The following CWC15 variants were observed in gnomAD, a reference collection of about 807,000 sequenced individuals.
CWC15 encodes spliceosome-associated protein CWC15 homolog.
A neutral mutation model predicts 28.4 loss-of-function variants in CWC15; 12 were observed. That is an observed-to-expected ratio of 0.42 (90% CI 0.27 to 0.69). The LOEUF (loss-of-function observed/expected upper bound fraction) is 0.69. Among genes scored for constraint, CWC15 ranks in the 30% least tolerant of loss-of-function variants. The pLI, the probability that CWC15 is intolerant of heterozygous loss-of-function variation, is 0.23. For missense variants in CWC15, 192 were observed against 271.5 expected (o/e 0.71, Z 2.06); for synonymous variants, 92 against 88.4 (o/e 1.04, Z -0.23).
intron 5 of CWC15, among the ~76,000 whole-genome samples, 169 bp from the exon 6 acceptor site, chr11:94,966,582 A>G (rs1427911826): frequency 6.8e-6 from 1 of 148,062 alleles, no homozygotes; most frequent in African/African-American, 2.5e-5. Flanking sequence ...GGCATACTAG[A>G]AAAGTCTCCC....
chr11:94,971,193 G>T, intron 3 of CWC15, 128 bp from the exon 4 acceptor site: 1 of 1,017,420 alleles, frequency 9.8e-7, no homozygotes. Context: ...CATCCACAGT[G>T]CCTGGGCAAA....
At chr11:94,972,916 G>A (rs1045824685) in intron 1 of CWC15, among the ~76,000 whole-genome samples, 6 of 152,042 alleles carry the variant, frequency 3.9e-5, no homozygotes, top group Admixed American at 3.9e-4. Flanking sequence ...AAAAATCAGG[G>A]ACTCATTCCT....
intron 1 of CWC15, among the ~76,000 whole-genome samples, chr11:94,972,992 G>A (rs1486071485): frequency 1.5e-5 from 2 of 135,210 alleles, no homozygotes; most frequent in African/African-American, 5.4e-5. Context: ...CTAAAACCCT[G>A]TTAGTGTCGG....
At chr11:94,968,146 G>C (rs184573984) in intron 5 of CWC15, among the ~76,000 whole-genome samples, 1 of 152,120 alleles carries the variant, frequency 6.6e-6, no homozygotes, top group Non-Finnish European at 1.5e-5. Context: ...ATATTTTATT[G>C]AAACATTGCC....
chr11:94,972,616 ACT>A (rs1337250141), intron 1 of CWC15, among the ~76,000 whole-genome samples: 1 of 152,150 alleles, frequency 6.6e-6, no homozygotes, highest in Non-Finnish European at 1.5e-5. Context: ...ACTCTACCAG[ACT>A]CTGTAAGGTT....
chr11:94,970,292 AT>A (rs1276971233), intron 4 of CWC15, 196 bp from the exon 5 acceptor site: 1 of 410,584 alleles, frequency 2.4e-6, no homozygotes, highest in Admixed American at 4.3e-5. Context: ...TTTCAAATGA[AT>A]AATCATTAAA....
intron 5 of CWC15, among the ~76,000 whole-genome samples, chr11:94,968,655 GCTCT>G (rs1255156416): frequency 2.2e-4 from 33 of 152,126 alleles, no homozygotes; most frequent in African/African-American, 7.0e-4. Context: ...CAGGAATTAT[GCTCT>G]CTTATACAAA....
At chr11:94,968,948 C>A (rs1857682114) in intron 5 of CWC15, among the ~76,000 whole-genome samples, 1 of 152,180 alleles carries the variant, frequency 6.6e-6, no homozygotes, top group African/African-American at 2.4e-5. Context: ...GACAACCCTA[C>A]CTGAATGTCT....
intron 4 of CWC15, chr11:94,970,708 C>T (rs1857706976): frequency 2.3e-6 from 1 of 435,014 alleles, no homozygotes; most frequent in Admixed American, 3.6e-5. Flanking sequence ...TAGTTTAGTA[C>T]AGGACATTAT....
chr11:94,969,896 T>C (rs1857695655), intron 5 of CWC15, 93 bp downstream of exon 5: 1 of 633,814 alleles, frequency 1.6e-6, no homozygotes, highest in Non-Finnish European at 2.5e-6. Context: ...AAAGGAGATT[T>C]CTAATATAAG....
intron 3 of CWC15, 108 bp downstream of exon 3, chr11:94,971,267 A>G (rs1857715833): frequency 2.0e-6 from 2 of 1,012,492 alleles, no homozygotes; most frequent in Admixed American, 2.0e-5. Flanking sequence ...TACAGCTCAC[A>G]TCAATCTGTA....
intron 5 of CWC15, among the ~76,000 whole-genome samples, chr11:94,969,674 A>G (rs1365455829): frequency 2.6e-5 from 4 of 152,190 alleles, no homozygotes; most frequent in Non-Finnish European, 4.4e-5. Flanking sequence ...GACCACAACT[A>G]TATCTTGATC....
intron 5 of CWC15, among the ~76,000 whole-genome samples, chr11:94,967,849 T>C (rs183769664): frequency 7.2e-5 from 11 of 152,282 alleles, no homozygotes; most frequent in African/African-American, 2.6e-4. Context: ...TTGTAACAAA[T>C]TATACCGATG....
chr11:94,964,124 C>T lies in CWC15; in HGVS notation c.561-610G>A, dbSNP rs797028783. On this transcript the variant is annotated intron_variant, in intron 6 of 6. Transcript: ENST00000279839. ...GGTTGGATTCCATAATGTATAAGCACGAAAAAAAAACACCCATAAATAAGT... is the reference window on the plus strand; with the variant it reads ...GGTTGGATTCCATAATGTATAAGCATGAAAAAAAAACACCCATAAATAAGT... Among the ~76,000 whole-genome samples, 16 of 149,280 alleles carry T rather than the reference C, an allele frequency of 1.1e-4. No homozygotes were observed. The South Asian group carries it at 1.5e-3, about 14-fold the overall frequency.
chr11:94,971,999 C>T (rs72977727), intron 2 of CWC15, 56 bp downstream of exon 2: 193,605 of 1,481,202 alleles, frequency 0.13, 13,760 homozygotes, highest in Middle Eastern at 0.17. Flanking sequence ...CATGACCATG[C>T]CATTTAACAG....
intron 1 of CWC15, among the ~76,000 whole-genome samples, chr11:94,972,502 G>A (rs1432716618): frequency 3.9e-5 from 6 of 152,100 alleles, no homozygotes; most frequent in South Asian, 2.1e-4. Flanking sequence ...GTGGAATGGA[G>A]ATATTCCTCA....
At chr11:94,964,629 G>C (rs587733293) in intron 6 of CWC15, among the ~76,000 whole-genome samples, 23 of 152,214 alleles carry the variant, frequency 1.5e-4, no homozygotes, top group African/African-American at 4.6e-4. Context: ...CCTGACATTA[G>C]TATTTGTCCT....
At position 94,972,083 on chromosome 11, in the gene CWC15, G is replaced by C; in HGVS notation, c.103C>G (p.Leu35Val). 6.2e-7 allele frequency: 1 copy of C among 1,613,564 alleles called. No homozygotes were observed. The highest frequency in any genetic ancestry group is 8.5e-7 in the Non-Finnish European group (1 of 1,179,702). Reference protein sequence around the residue: ...QLSKQYSSRDLPSHTKIKYRQ... With the variant: ...QLSKQYSSRDVPSHTKIKYRQ... The stretch of plus-strand genomic sequence containing the variant: ...TATTTTATCTTTGTATGAGAGGGTA[G>C]GTCTCTGCTTGAATACTGCTTTGAA... The change falls in exon 2 of 7, where the codon CTA becomes GTA. Residue 35 changes from leucine (L) to valine (V), a missense_variant. Coordinates refer to ENST00000279839, the MANE Select transcript of CWC15 (RefSeq NM_016403.4).
chr11:94,966,205 G>A lies in CWC15; in HGVS notation c.560+90C>T, dbSNP rs181590447. Reference sequence around the variant, plus strand: ...TATCCAACTTATAATCTGCATGCCTGTGTGTATACACATACACATATACAC... The same window carrying A: ...TATCCAACTTATAATCTGCATGCCTATGTGTATACACATACACATATACAC... On this transcript the variant is annotated intron_variant, in intron 6 of 6. Transcript: ENST00000279839. 6.2e-4 allele frequency: 443 copies of A among 710,322 alleles called. 2 individuals carry two copies. In the Middle Eastern group the frequency reaches 8.4e-3, roughly 13 times the overall value. 44.0% of individuals were successfully genotyped at this position (710,322 alleles called of 1,614,324 possible). A position where few individuals can be genotyped will look rare whatever the true frequency, so the allele number is the denominator to read the frequency against.
Sources: allele counts gnomAD v4.1 joint callset (sites outside exome capture counted in the v4.1 genomes callset), GRCh38; gene constraint gnomAD v4.1.1; transcripts MANE v1.5; gene names NCBI Gene and HGNC (gene_info 2026-07-23, HGNC 2026-07-21).